The following OTOGL variants were observed in gnomAD, a reference collection of about 807,000 sequenced individuals.
OTOGL encodes otogelin like, also known as otogelin-like protein.
OTOGL carries 285 observed loss-of-function variants against 318.5 expected under a neutral mutation model. That is an observed-to-expected ratio of 0.89 (90% CI 0.81 to 0.99). The LOEUF is 0.99. OTOGL is among the 50% of genes least tolerant of loss of function. OTOGL has a pLI of 0.00. For synonymous variants in OTOGL, 987 were observed against 936.5 expected (o/e 1.05, Z -0.99); for missense variants, 2,899 against 2,845.6 (o/e 1.02, Z -0.43).
chr12:80,204,293 G>GA (rs1253024537), intron 1 of OTOGL, among the ~76,000 whole-genome samples: 1 of 152,104 alleles, frequency 6.6e-6, no homozygotes, highest in Non-Finnish European at 1.5e-5. Context: ...GCCAATATAG[G>GA]GGAAGCAGAA....
chr12:80,358,962 T>G, intron 52 of OTOGL, 62 bp downstream of exon 52: 1 of 1,274,452 alleles, frequency 7.8e-7, no homozygotes, highest in Non-Finnish European at 1.1e-6. Flanking sequence ...TCTTCCTTTA[T>G]CTCTCTCATT....
intron 1 of OTOGL, among the ~76,000 whole-genome samples, chr12:80,194,913 T>C (rs1051245968): frequency 3.9e-5 from 6 of 152,330 alleles, no homozygotes; most frequent in Admixed American, 6.5e-5. Flanking sequence ...TAATGAGTTC[T>C]TTACAATTTT....
chr12:80,355,084 T>C (rs1889784109), intron 46 of OTOGL, among the ~76,000 whole-genome samples: 1 of 152,100 alleles, frequency 6.6e-6, no homozygotes, highest in Admixed American at 6.6e-5. Flanking sequence ...TTGATTAGGC[T>C]AAATAAATTA....
intron 1 of OTOGL, among the ~76,000 whole-genome samples, chr12:80,206,849 A>G (rs1876847578): frequency 6.6e-6 from 1 of 152,156 alleles, no homozygotes; most frequent in African/African-American, 2.4e-5. Flanking sequence ...TTTTAAATAC[A>G]TATAGTTCAA....
chr12:80,335,540 A>G (rs1888336752), intron 38 of OTOGL, among the ~76,000 whole-genome samples: 1 of 152,128 alleles, frequency 6.6e-6, no homozygotes, highest in South Asian at 2.1e-4. Flanking sequence ...TGTTATATAT[A>G]AAATTTTAAT....
In OTOGL at chr12:80,229,386, A is replaced by G. The variant is rs962205640; in HGVS notation, c.611+8A>G. 4 of 1,593,000 alleles carry G rather than the reference A, an allele frequency of 2.5e-6. No homozygotes were observed. The highest frequency in any genetic ancestry group is 1.3e-5 in the African/African-American group (1 of 74,886). Reference sequence around the variant, plus strand: ...AAAAAAGAATGGAATCAGGTAGGATATGGGAAACAGTGAAATGTCAGTAAC... The same window carrying G: ...AAAAAAGAATGGAATCAGGTAGGATGTGGGAAACAGTGAAATGTCAGTAAC... On this transcript the variant is annotated splice_region_variant and intron_variant, in intron 8 of 58. Transcript: ENST00000547103.
At chr12:80,222,362 T>C (rs1231063714) in intron 7 of OTOGL, 117 bp downstream of exon 7, 1 of 1,077,838 alleles carries the variant, frequency 9.3e-7, no homozygotes, top group African/African-American at 1.6e-5. Flanking sequence ...AATACTTATT[T>C]TGAAGAGGGT....
At chr12:80,175,011 G>C (rs1280610695) in intron 1 of OTOGL, among the ~76,000 whole-genome samples, 1 of 152,024 alleles carries the variant, frequency 6.6e-6, no homozygotes, top group African/African-American at 2.4e-5. Context: ...TTGCCAATCT[G>C]AGAGGCAAAG....
intron 55 of OTOGL, 103 bp from the exon 56 acceptor site, chr12:80,370,467 C>A: frequency 3.0e-6 from 3 of 1,003,270 alleles, no homozygotes; most frequent in South Asian, 2.8e-5. Flanking sequence ...CACAAGAAGC[C>A]TTTGCATCTT....
In OTOGL at chr12:80,355,762, C is replaced by T. The variant is rs764101109; in HGVS notation, c.5620C>T (p.Arg1874Cys). 33 of 1,613,518 alleles carry T rather than the reference C, an allele frequency of 2.0e-5. No homozygotes were observed. The highest frequency in any genetic ancestry group is 1.6e-4 in the Middle Eastern group (1 of 6,076). The change falls in exon 47 of 59, where the codon CGC becomes TGC. Residue 1874 changes from arginine to cysteine, a missense_variant. Physicochemically the swap from Arg to Cys is radical, Grantham distance 180. Around this residue, in one of 3 missense-constraint regions of OTOGL, gnomAD observed 2,607 missense variants for 2,524.9 expected, o/e 1.03. Coordinates refer to ENST00000547103, the MANE Select transcript of OTOGL (RefSeq NM_001378609.3). Reference protein sequence around the residue: ...CACTDSEDQPRTAGEIWNGGI... With the variant: ...CACTDSEDQPCTAGEIWNGGI... ...ATGCACTGATAGTGAAGACCAACCCCGCACTGCTGGGGAGATTTGGAATGG... is the reference window on the plus strand; with the variant it reads ...ATGCACTGATAGTGAAGACCAACCCTGCACTGCTGGGGAGATTTGGAATGG...
chr12:80,292,732 A>G (rs1449774815), intron 26 of OTOGL, among the ~76,000 whole-genome samples: 4 of 152,256 alleles, frequency 2.6e-5, no homozygotes, highest in Non-Finnish European at 5.9e-5. Flanking sequence ...TGTAATAGTC[A>G]TAATTATTCC....
intron 2 of OTOGL, among the ~76,000 whole-genome samples, chr12:80,210,218 T>G (rs1004305400): frequency 1.3e-5 from 2 of 152,138 alleles, no homozygotes; most frequent in African/African-American, 4.8e-5. Context: ...TCTTGGAGTA[T>G]TTTAAATTCA....
At position 80,355,838 on chromosome 12, in the gene OTOGL, TCCCTATAGAAC is replaced by T. The variant is rs745919907; in HGVS notation, c.5698_5708del (p.Pro1900Ter). 6.2e-7 allele frequency: 1 copy of T among 1,613,946 alleles called. No individual in the cohort carries two copies. The highest frequency in any genetic ancestry group is 8.5e-7 in the Non-Finnish European group (1 of 1,179,854). On this transcript the variant is annotated frameshift_variant, in exon 47 of 59. Coordinates refer to ENST00000547103, the MANE Select transcript of OTOGL (RefSeq NM_001378609.3). LOFTEE classifies it high-confidence loss of function. Reference sequence around the variant, plus strand: ...AAATGTTTGGAGAATGGAAGCATTATCCCTATAGAACCTGACTGTGATGAAGAGCCCACGCC... The same window carrying T: ...AAATGTTTGGAGAATGGAAGCATTATCTGACTGTGATGAAGAGCCCACGCC...
intron 1 of OTOGL, among the ~76,000 whole-genome samples, chr12:80,162,666 C>G (rs1001571123): frequency 2.6e-5 from 4 of 152,014 alleles, no homozygotes; most frequent in African/African-American, 9.7e-5. Context: ...GGGTACATGT[C>G]TGTCTCTGTC....
chr12:80,238,014 G>C (rs1178891375), intron 9 of OTOGL, among the ~76,000 whole-genome samples: 1 of 152,136 alleles, frequency 6.6e-6, no homozygotes, highest in African/African-American at 2.4e-5. Context: ...TTCAGCCTTT[G>C]TCTGAATGGA....
At chr12:80,287,193 G>A (rs1430199641) in intron 26 of OTOGL, among the ~76,000 whole-genome samples, 2 of 151,772 alleles carry the variant, frequency 1.3e-5, no homozygotes, top group African/African-American at 4.9e-5. Context: ...CAGTTTCCAT[G>A]TAGTTGTGCA....
rs1316481471 is a variant in OTOGL at position 80,336,830 on chromosome 12, T to A, written c.4767+10T>A. ...CTCCTTAAAAAAGCTAGTGAGTATTTGCAAAGTGTTTAGTACATTCATTCT... is the reference window on the plus strand; with the variant it reads ...CTCCTTAAAAAAGCTAGTGAGTATTAGCAAAGTGTTTAGTACATTCATTCT... On this transcript the variant is annotated intron_variant, in intron 41 of 58. Transcript: ENST00000547103. 6.5e-7 allele frequency: 1 copy of A among 1,534,520 alleles called. No homozygotes were observed.
intron 7 of OTOGL, among the ~76,000 whole-genome samples, chr12:80,227,244 T>C (rs1425585014): frequency 6.6e-6 from 1 of 152,196 alleles, no homozygotes; most frequent in East Asian, 1.9e-4. Flanking sequence ...ATTTCTCCTT[T>C]TATATTGTCA....
In OTOGL at chr12:80,355,759, C is replaced by A. The variant is rs141867785; in HGVS notation, c.5617C>A (p.Pro1873Thr). The A allele has an allele frequency of 1.8e-4, 289 of 1,613,640 alleles. 1 individual carries two copies. In the African/African-American group the frequency reaches 3.4e-3, roughly 19 times the overall value. Reference protein sequence around the residue: ...ECACTDSEDQPRTAGEIWNGG... With the variant: ...ECACTDSEDQTRTAGEIWNGG... ...AGCATGCACTGATAGTGAAGACCAA[C>A]CCCGCACTGCTGGGGAGATTTGGAA... The change falls in exon 47 of 59, where the codon CCC becomes ACC. Residue 1873 changes from proline (P) to threonine (T), a missense_variant. Pro to Thr is a conservative substitution (Grantham distance 38). Coordinates refer to ENST00000547103, the MANE Select transcript of OTOGL (RefSeq NM_001378609.3).
Sources: allele counts gnomAD v4.1 joint callset (sites outside exome capture counted in the v4.1 genomes callset), GRCh38; gene constraint gnomAD v4.1.1; regional missense constraint gnomAD v4.1.1; transcripts MANE v1.5; gene names NCBI Gene and HGNC (gene_info 2026-07-23, HGNC 2026-07-21).